Variants in CCDC178 observed in about 807,000 individuals in gnomAD.
CCDC178 encodes coiled-coil domain containing 178, also known as coiled-coil domain-containing protein 178.
A neutral mutation model predicts 117.4 loss-of-function variants in CCDC178; 126 were observed. The ratio of observed to expected loss-of-function variants is 1.07; its 90% CI spans 0.93 to 1.24. The LOEUF is 1.24. Ranked by LOEUF, CCDC178 falls within the 50% of genes most tolerant of loss-of-function variation. The pLI is 0.00. For missense variants in CCDC178, 1,030 were observed against 986.9 expected (o/e 1.04, Z -0.59); for synonymous variants, 283 against 313.4 (o/e 0.90, Z 1.02).
rs1182197083 is a variant in CCDC178, at chr18:33,215,575, A to G, written c.2053T>C (p.Phe685Leu). The G allele has an allele frequency of 2.0e-6, 3 of 1,464,460 alleles. No homozygotes were observed. The African/African-American group carries it at 4.4e-5, about 22-fold the overall frequency. 90.7% of individuals were successfully genotyped at this position (1,464,460 alleles called of 1,614,324 possible). Residue 685 changes from phenylalanine (F) to leucine (L), a missense_variant, in exon 19 of 23, where the codon TTT (phenylalanine) becomes CTT (leucine). Physicochemically the swap from Phe to Leu is conservative, Grantham distance 22. Coordinates refer to ENST00000383096, the MANE Select transcript of CCDC178 (RefSeq NM_001105528.4). ...TTTAATATTTCAAGTGTCTGATCAA[A>G]ACTTTTCTTTTCTTCTTCTTTTGCT... ...LKAKEEEKKSFDQTLEILKNK... is the reference protein window; with the variant it reads ...LKAKEEEKKSLDQTLEILKNK...
intron 12 of CCDC178, among the ~76,000 whole-genome samples, chr18:33,280,307 C>A (rs1190631306): frequency 2.0e-5 from 3 of 152,116 alleles, no homozygotes; most frequent in African/African-American, 7.2e-5. Context: ...TGAACAGACA[C>A]TTCTCAAAAG....
rs562875346 is a variant in CCDC178, at chr18:32,937,703, G to A, written c.*308C>T. 2 of 302,916 alleles carry A rather than the reference G, an allele frequency of 6.6e-6. No homozygotes were observed. Among genetic ancestry groups the A allele is most frequent in the East Asian group, 6.4e-5 (1 of 15,554 alleles). 18.8% of individuals were successfully genotyped at this position (302,916 alleles called of 1,614,324 possible). ...GAAGCGAACAGTCACTGTCAACACC[G>A]CCAGTAATTATTCTCTCTTCCAATT... On this transcript the variant is annotated 3_prime_UTR_variant, in exon 23 of 23. Transcript: ENST00000383096.
At chr18:33,324,643 C>A (rs1568147741) in intron 10 of CCDC178, among the ~76,000 whole-genome samples, 2 of 151,642 alleles carry the variant, frequency 1.3e-5, no homozygotes. Flanking sequence ...TTATTGTGTA[C>A]ATTTTACTAG....
At position 32,994,770 on chromosome 18, in the gene CCDC178, A is replaced by G. The variant is rs186312938; in HGVS notation, c.2389-20089T>C. 1.7e-3 allele frequency among the ~76,000 whole-genome samples: 257 copies of G among 152,296 alleles called. 2 individuals are homozygous for G. The highest frequency in any genetic ancestry group is 1.5e-3 in the Non-Finnish European group (104 of 68,026). On this transcript the variant is annotated intron_variant, in intron 21 of 22. Transcript: ENST00000383096. ...GGCCATCTGGAGCATTGTGTTTAGA[A>G]GGCTGGAGGATTAGCTTGTACCAAG... is the stretch of plus-strand genomic sequence containing the variant.
At chr18:33,014,458 G>C (rs1028043672) in intron 21 of CCDC178, among the ~76,000 whole-genome samples, 2 of 152,082 alleles carry the variant, frequency 1.3e-5, no homozygotes, top group Non-Finnish European at 2.9e-5. Flanking sequence ...GTCTTTAAAG[G>C]GTCTTTGAAA....
chr18:33,084,424 T>C (rs552137364), intron 21 of CCDC178, among the ~76,000 whole-genome samples: 145 of 152,276 alleles, frequency 9.5e-4, no homozygotes, highest in African/African-American at 3.4e-3. Flanking sequence ...ATATTCCATA[T>C]TAGGTATTTC....
chr18:33,035,594 A>C (rs955842535), intron 21 of CCDC178, among the ~76,000 whole-genome samples: 1 of 151,998 alleles, frequency 6.6e-6, no homozygotes, highest in African/African-American at 2.4e-5. Flanking sequence ...AGAGAGTAGA[A>C]ATGTGTTTCG....
chr18:33,127,982 A>G (rs1324920804), intron 20 of CCDC178, among the ~76,000 whole-genome samples: 1 of 152,114 alleles, frequency 6.6e-6, no homozygotes, highest in East Asian at 1.9e-4. Flanking sequence ...ATATGGGTGA[A>G]ACTGGGGCAG....
At chr18:33,208,176 G>T (rs1301379282) in intron 20 of CCDC178, among the ~76,000 whole-genome samples, 1 of 151,972 alleles carries the variant, frequency 6.6e-6, no homozygotes, top group African/African-American at 2.4e-5. Flanking sequence ...ACTTTTAAAA[G>T]AAATATTAAT....
intron 15 of CCDC178, among the ~76,000 whole-genome samples, chr18:33,241,298 CCA>C (rs1222183047): frequency 6.6e-6 from 1 of 151,700 alleles, no homozygotes; most frequent in African/African-American, 2.4e-5. Flanking sequence ...ACAAGCAAGC[CCA>C]CTCTTAACCA....
intron 20 of CCDC178, among the ~76,000 whole-genome samples, chr18:33,144,556 G>A (rs1041226030): frequency 2.0e-5 from 3 of 152,090 alleles, no homozygotes; most frequent in Middle Eastern, 3.4e-3. Context: ...CATTATGTCC[G>A]GAGAGGAAGA....
chr18:33,405,985 A>G (rs1340357329), intron 3 of CCDC178, among the ~76,000 whole-genome samples: 1 of 152,096 alleles, frequency 6.6e-6, no homozygotes, highest in Non-Finnish European at 1.5e-5. Context: ...CCTTAATTAA[A>G]TGATAGGAAG....
intron 14 of CCDC178, among the ~76,000 whole-genome samples, chr18:33,248,488 A>G (rs942160918): frequency 2.1e-5 from 3 of 143,286 alleles, no homozygotes; most frequent in Non-Finnish European, 4.5e-5. Context: ...TCATTGTTCA[A>G]TTCCCACCTA....
intron 10 of CCDC178, among the ~76,000 whole-genome samples, chr18:33,332,285 A>C (rs1403656320): frequency 6.6e-6 from 1 of 152,140 alleles, no homozygotes; most frequent in African/African-American, 2.4e-5. Context: ...CGAAAATGGA[A>C]CTGTTGAGGG....
chr18:33,081,809 A>C (rs749725782), intron 21 of CCDC178, among the ~76,000 whole-genome samples: 8 of 152,202 alleles, frequency 5.3e-5, no homozygotes, highest in Non-Finnish European at 8.8e-5. Context: ...TTCTCAGATA[A>C]TGTATTGCCT....
chr18:33,405,292 T>C (rs1263940574), intron 3 of CCDC178, among the ~76,000 whole-genome samples: 4 of 151,718 alleles, frequency 2.6e-5, no homozygotes, highest in African/African-American at 9.7e-5. Flanking sequence ...ATACTTATAA[T>C]GCATCTGTAT....
intron 5 of CCDC178, among the ~76,000 whole-genome samples, chr18:33,373,022 G>A (rs1451861846): frequency 6.6e-6 from 1 of 151,904 alleles, no homozygotes; most frequent in Non-Finnish European, 1.5e-5. Context: ...TGTAACATAA[G>A]TCAGTGCTCT....
intron 21 of CCDC178, among the ~76,000 whole-genome samples, chr18:33,070,566 G>C (rs368940549): frequency 9.9e-4 from 151 of 152,090 alleles, no homozygotes; most frequent in Middle Eastern, 6.8e-3. Context: ...CAAACATACA[G>C]TTACCTAGAA....
intron 12 of CCDC178, among the ~76,000 whole-genome samples, chr18:33,279,871 A>C (rs1242370800): frequency 1.3e-5 from 2 of 152,170 alleles, no homozygotes; most frequent in Admixed American, 6.5e-5. Flanking sequence ...CTATTTAATA[A>C]ATGGTACTGG....
Sources: allele counts gnomAD v4.1 joint callset (sites outside exome capture counted in the v4.1 genomes callset), GRCh38; gene constraint gnomAD v4.1.1; transcripts MANE v1.5; gene names NCBI Gene and HGNC (gene_info 2026-07-23, HGNC 2026-07-21).